The following UPF2 variants were observed in gnomAD, a reference collection of about 807,000 sequenced individuals.
UPF2 encodes the protein UPF2 regulator of nonsense mediated mRNA decay, also known as regulator of nonsense transcripts 2.
In UPF2, 17 loss-of-function variants were observed where a neutral mutation model predicts 141.4. The observed-to-expected ratio is 0.12, with a 90% CI of 0.08 to 0.18. The LOEUF (loss-of-function observed/expected upper bound fraction) is 0.18. UPF2 is among the 10% of genes least tolerant of loss of function. The probability of loss-of-function intolerance (pLI) is 1.00; values close to 1 mark genes in which losing one functional copy is unlikely to be tolerated. For synonymous variants in UPF2, 540 were observed against 498.0 expected (o/e 1.08, Z -1.12); for missense variants, 1,152 against 1,515.9 (o/e 0.76, Z 3.99).
intron 1 of UPF2, chr10:12,035,994 T>C (rs1834619022): frequency 6.6e-6 from 1 of 152,228 alleles, no homozygotes; most frequent in African/African-American, 2.4e-5. Flanking sequence ...TCTAACCTTA[T>C]CATCAAACTT....
At chr10:12,023,641 G>C (rs959606244) in intron 3 of UPF2, among the ~76,000 whole-genome samples, 1 of 151,472 alleles carries the variant, frequency 6.6e-6, no homozygotes, top group African/African-American at 2.4e-5. Flanking sequence ...GATAAGCTGA[G>C]ACCATGCCAC....
Position 11,959,126 on chromosome 10 carries a change from C to T in UPF2, c.2370+45G>A. On this transcript the variant is annotated intron_variant, in intron 12 of 21. Coordinates refer to ENST00000357604, the MANE Select transcript of UPF2 (RefSeq NM_015542.4). The surrounding 1 kb of genome is among the most constrained non-coding windows in gnomAD (Gnocchi z 5.9). ...ACTCTACATAAGCTTAGCACTACCA[C>T]AAATCTCACGTTAACTATTAACTGC... The T allele has an allele frequency of 6.5e-7, 1 of 1,528,606 alleles. No homozygotes were observed. The highest frequency in any genetic ancestry group is 8.7e-7 in the Non-Finnish European group (1 of 1,144,340). 94.7% of individuals were successfully genotyped at this position (1,528,606 alleles called of 1,614,324 possible). A position where few individuals can be genotyped will look rare whatever the true frequency, so the allele number is the denominator to read the frequency against.
At chr10:12,009,446 G>C (rs1429049165) in intron 4 of UPF2, among the ~76,000 whole-genome samples, 1 of 152,144 alleles carries the variant, frequency 6.6e-6, no homozygotes, top group Non-Finnish European at 1.5e-5. Flanking sequence ...TAGAATAAAG[G>C]ATATTCTGAT....
intron 4 of UPF2, among the ~76,000 whole-genome samples, chr10:12,007,869 A>T (rs1294865474): frequency 6.9e-6 from 1 of 145,144 alleles, no homozygotes; most frequent in African/African-American, 2.5e-5. Flanking sequence ...TAATAATAAT[A>T]ATTTCCTTAA....
intron 4 of UPF2, among the ~76,000 whole-genome samples, chr10:12,006,141 A>G (rs1009561543): frequency 1.3e-5 from 2 of 152,204 alleles, no homozygotes; most frequent in Non-Finnish European, 2.9e-5. Context: ...CAGCCTCTCA[A>G]AGTGCTGGGA....
rs766927715 is a variant in UPF2 at position 12,004,515 on chromosome 10, T to C, written c.1504+15A>G. 2.0e-5 allele frequency: 31 copies of C among 1,588,134 alleles called. No individual in the cohort carries two copies. The East Asian group carries it at 6.5e-4, about 33-fold the overall frequency. On this transcript the variant is annotated intron_variant, in intron 5 of 21. Transcript: ENST00000357604. ...TTATAGCACTTAATGTAAATATTTT[T>C]TCTCTAGAATTTACCTTTGGTATCA...
At chr10:12,034,992 G>A (rs1834596048) in intron 2 of UPF2, 67 bp downstream of exon 2, 2 of 1,504,370 alleles carry the variant, frequency 1.3e-6, no homozygotes. Context: ...TTCAAATAAT[G>A]TTTTTTTCCC....
chr10:11,972,035 G>A (rs1200378321), intron 9 of UPF2, among the ~76,000 whole-genome samples: 4 of 144,624 alleles, frequency 2.8e-5, no homozygotes, highest in African/African-American at 5.2e-5. Flanking sequence ...CTGTACTCTG[G>A]CCCGGATAAC....
chr10:12,037,169 C>T (rs757201113), intron 1 of UPF2, among the ~76,000 whole-genome samples: 2 of 152,148 alleles, frequency 1.3e-5, no homozygotes, highest in Admixed American at 6.5e-5. Flanking sequence ...ACTGAAGTCT[C>T]GACCTCGCAG....
chr10:11,944,390 A>G (rs1282229259), intron 16 of UPF2, among the ~76,000 whole-genome samples: 1 of 152,116 alleles, frequency 6.6e-6, no homozygotes, highest in East Asian at 1.9e-4. Flanking sequence ...GCTACTCAGG[A>G]GTCTGAGGCA....
chr10:12,039,966 G>A (rs1834706669), intron 1 of UPF2, among the ~76,000 whole-genome samples: 1 of 152,074 alleles, frequency 6.6e-6, no homozygotes, highest in Non-Finnish European at 1.5e-5. Flanking sequence ...ATTTTTCAAA[G>A]AAAAGATTAA....
chr10:12,030,897 A>C (rs1834508533), intron 2 of UPF2, among the ~76,000 whole-genome samples: 1 of 144,874 alleles, frequency 6.9e-6, no homozygotes, highest in Non-Finnish European at 1.5e-5. Context: ...AAAAAAGGCC[A>C]GGCACGGTGG....
intron 4 of UPF2, among the ~76,000 whole-genome samples, chr10:12,012,627 G>A (rs111824576): frequency 5.9e-4 from 89 of 151,604 alleles, no homozygotes; most frequent in Non-Finnish European, 2.1e-4. Context: ...GTGAAACCCC[G>A]TCTCTACTAA....
At position 11,921,109 on chromosome 10, in the gene UPF2, G is replaced by A. The variant is rs377540681; in HGVS notation, c.*189C>T. ...GGCCTTTTCCGCCTTGTCTGGAAGCGTCGGCTTGTTCCGGTGTTGGCAGAG... is the reference window on the plus strand; with the variant it reads ...GGCCTTTTCCGCCTTGTCTGGAAGCATCGGCTTGTTCCGGTGTTGGCAGAG... On this transcript the variant is annotated 3_prime_UTR_variant, in exon 22 of 22. Coordinates refer to ENST00000357604, the MANE Select transcript of UPF2 (RefSeq NM_015542.4). This position sits in a 1 kb window ranked among gnomAD's most constrained non-coding sequence, Gnocchi z 5.9. 1.7e-4 allele frequency: 139 copies of A among 817,616 alleles called. 1 individual carries two copies. Among genetic ancestry groups the A allele is most frequent in the African/African-American group, 1.7e-3 (100 of 59,828 alleles). 50.6% of individuals were successfully genotyped at this position (817,616 alleles called of 1,614,324 possible).
intron 8 of UPF2, among the ~76,000 whole-genome samples, chr10:11,986,827 T>C (rs148778916): frequency 2.1e-3 from 322 of 152,282 alleles, no homozygotes; most frequent in African/African-American, 7.4e-3. Context: ...CACGGAAACA[T>C]TCTCTCACAG....
At chr10:11,951,316 G>A (rs1191079534) in intron 15 of UPF2, among the ~76,000 whole-genome samples, 2 of 152,140 alleles carry the variant, frequency 1.3e-5, no homozygotes, top group Non-Finnish European at 2.9e-5. Flanking sequence ...GCCTGCCTCG[G>A]CCTCCCAAAG....
At chr10:11,965,419 T>A (rs1317579970) in intron 10 of UPF2, among the ~76,000 whole-genome samples, 1 of 152,178 alleles carries the variant, frequency 6.6e-6, no homozygotes, top group Admixed American at 6.5e-5. Context: ...TAAGAAGGAT[T>A]AGGAAACTTA....
chr10:11,944,471 G>T (rs568107746), intron 16 of UPF2, among the ~76,000 whole-genome samples: 1 of 152,258 alleles, frequency 6.6e-6, no homozygotes, highest in Admixed American at 6.5e-5. Flanking sequence ...TCCGGCCTGG[G>T]TGACAGAGCG....
At chr10:11,985,409 TG>T (rs1833671176) in intron 8 of UPF2, among the ~76,000 whole-genome samples, 1 of 151,990 alleles carries the variant, frequency 6.6e-6, no homozygotes, top group African/African-American at 2.4e-5. Flanking sequence ...AGGCAGAGGC[TG>T]GCGGATCACG....
Sources: allele counts gnomAD v4.1 joint callset (sites outside exome capture counted in the v4.1 genomes callset), GRCh38; gene constraint gnomAD v4.1.1; non-coding constraint Gnocchi (gnomAD v3.1); transcripts MANE v1.5; gene names NCBI Gene and HGNC (gene_info 2026-07-23, HGNC 2026-07-21).